Variants in FRMD4B observed in about 807,000 individuals in gnomAD.
The protein encoded by FRMD4B is FERM domain containing 4B.
Under a neutral mutation model 141.5 loss-of-function variants are expected in FRMD4B, and 74 were observed. The observed-to-expected ratio is 0.52, with a 90% CI of 0.43 to 0.63. The LOEUF is 0.63. Ranked by LOEUF, FRMD4B falls within the 30% of genes least tolerant of loss-of-function variation. The pLI is 0.00. For synonymous variants in FRMD4B, 506 were observed against 467.9 expected (o/e 1.08, Z -1.05); for missense variants, 1,366 against 1,253.4 (o/e 1.09, Z -1.36).
chr3:69,290,704 C>T (rs1379734695), intron 4 of FRMD4B, among the ~76,000 whole-genome samples: 3 of 152,174 alleles, frequency 2.0e-5, no homozygotes, highest in Non-Finnish European at 4.4e-5. Flanking sequence ...CTAAGTGCTT[C>T]CCGATTGTTC....
chr3:69,408,206 A>C (rs1174590788), intron 2 of FRMD4B, among the ~76,000 whole-genome samples: 1 of 152,146 alleles, frequency 6.6e-6, no homozygotes, highest in Non-Finnish European at 1.5e-5. Context: ...TCAGGGGAAA[A>C]TTTGTTTCTA....
intron 3 of FRMD4B, among the ~76,000 whole-genome samples, chr3:69,305,621 G>A (rs1701366205): frequency 6.6e-6 from 1 of 152,126 alleles, no homozygotes; most frequent in Non-Finnish European, 1.5e-5. Flanking sequence ...AGACATGGTG[G>A]CTCACACCTG....
At chr3:69,370,659 T>C (rs1703799273) in intron 1 of FRMD4B, among the ~76,000 whole-genome samples, 1 of 152,262 alleles carries the variant, frequency 6.6e-6, no homozygotes, top group Non-Finnish European at 1.5e-5. Context: ...ATGAGGTTTC[T>C]AAAGCTTCAC....
At chr3:69,532,310 TA>T (rs1285110589) in intron 1 of FRMD4B, among the ~76,000 whole-genome samples, 1 of 152,210 alleles carries the variant, frequency 6.6e-6, no homozygotes, top group African/African-American at 2.4e-5. Context: ...GCATGACAAA[TA>T]ATTATACTGA....
intron 1 of FRMD4B, among the ~76,000 whole-genome samples, chr3:69,451,570 TA>T (rs1259862253): frequency 1.3e-5 from 2 of 152,198 alleles, no homozygotes; most frequent in Admixed American, 1.3e-4. Flanking sequence ...TATCATGGCT[TA>T]TCCACCCACA....
chr3:69,189,486 T>G (rs1413357138), intron 18 of FRMD4B, among the ~76,000 whole-genome samples: 1 of 152,190 alleles, frequency 6.6e-6, no homozygotes, highest in African/African-American at 2.4e-5. Flanking sequence ...ATATCCTGGT[T>G]TTGATATTGG....
intron 7 of FRMD4B, among the ~76,000 whole-genome samples, chr3:69,245,350 T>TGTGA (rs1553708883): frequency 2.2e-4 from 33 of 150,534 alleles, no homozygotes; most frequent in African/African-American, 7.7e-4. Context: ...TGTGTGTGTG[T>TGTGA]GTGTTTTTAG....
At chr3:69,419,437 T>A (rs779150619) in intron 2 of FRMD4B, among the ~76,000 whole-genome samples, 8 of 152,212 alleles carry the variant, frequency 5.3e-5, no homozygotes, top group Non-Finnish European at 8.8e-5. Context: ...CAGGCTTATA[T>A]TCGGCTCATT....
chr3:69,201,453 T>A (rs890183270), intron 11 of FRMD4B, among the ~76,000 whole-genome samples: 3 of 152,184 alleles, frequency 2.0e-5, no homozygotes, highest in Non-Finnish European at 4.4e-5. Flanking sequence ...AAAGTTTATA[T>A]ATATAAAATG....
chr3:69,224,116 AT>A (rs2093226270), intron 8 of FRMD4B, among the ~76,000 whole-genome samples: 3 of 152,228 alleles, frequency 2.0e-5, no homozygotes, highest in Admixed American at 6.5e-5. Flanking sequence ...TAGAAAAAAA[AT>A]ATGGGATGAA....
At chr3:69,293,880 C>A (rs865914497) in intron 4 of FRMD4B, among the ~76,000 whole-genome samples, 27 of 74,444 alleles carry the variant, frequency 3.6e-4, no homozygotes, top group African/African-American at 8.9e-4. Flanking sequence ...GATTCTGCCT[C>A]AAAAAAAAAA....
chr3:69,442,496 C>T (rs192075650), intron 1 of FRMD4B, among the ~76,000 whole-genome samples: 2 of 152,094 alleles, frequency 1.3e-5, no homozygotes, highest in East Asian at 3.9e-4. Context: ...AGGGGTGGGG[C>T]CTTCATTTTC....
At chr3:69,241,975 T>C (rs2093387953) in intron 7 of FRMD4B, among the ~76,000 whole-genome samples, 1 of 152,138 alleles carries the variant, frequency 6.6e-6, no homozygotes, top group African/African-American at 2.4e-5. Flanking sequence ...AATTTGCCAC[T>C]CTCTAGCTAT....
intron 1 of FRMD4B, among the ~76,000 whole-genome samples, chr3:69,479,341 G>C (rs1181248357): frequency 6.6e-6 from 1 of 151,932 alleles, no homozygotes; most frequent in Admixed American, 6.6e-5. Flanking sequence ...GCAGTGGCTG[G>C]TACCGGTTGT....
chr3:69,271,415 A>G (rs187463916), intron 5 of FRMD4B, among the ~76,000 whole-genome samples: 168 of 152,334 alleles, frequency 1.1e-3, no homozygotes, highest in Non-Finnish European at 2.2e-3. Flanking sequence ...AGGAGGAACA[A>G]TGATCTTCTC....
intron 1 of FRMD4B, among the ~76,000 whole-genome samples, chr3:69,443,456 G>A (rs1418106436): frequency 6.6e-6 from 1 of 152,142 alleles, no homozygotes; most frequent in Non-Finnish European, 1.5e-5. Context: ...TGAGTTCTAT[G>A]AGCTATTATA....
At chr3:69,183,643 T>C (rs2092734036) in intron 19 of FRMD4B, among the ~76,000 whole-genome samples, 1 of 151,858 alleles carries the variant, frequency 6.6e-6, no homozygotes, top group Non-Finnish European at 1.5e-5. Context: ...CCACCACGCC[T>C]GGCTAATTTT....
intron 1 of FRMD4B, among the ~76,000 whole-genome samples, chr3:69,448,501 A>G (rs955598597): frequency 6.6e-6 from 1 of 152,216 alleles, no homozygotes; most frequent in African/African-American, 2.4e-5. Flanking sequence ...TGGGAATTCC[A>G]GTTGCTCCAT....
chr3:69,205,170 CTT>C (rs377199910), intron 11 of FRMD4B, among the ~76,000 whole-genome samples: 1 of 146,684 alleles, frequency 6.8e-6, no homozygotes, highest in Admixed American at 6.8e-5. Flanking sequence ...AGTCCCCCCC[CTT>C]TTTTTTTTGT....
Sources: allele counts gnomAD v4.1 joint callset (sites outside exome capture counted in the v4.1 genomes callset), GRCh38; gene constraint gnomAD v4.1.1; transcripts MANE v1.5; gene names NCBI Gene and HGNC (gene_info 2026-07-23, HGNC 2026-07-21).